DNAH12: variants seen among roughly 807,000 people sequenced by gnomAD.
DNAH12 encodes dynein axonemal heavy chain 12.
In DNAH12, 285 loss-of-function variants were observed where a neutral mutation model predicts 371.5. The observed-to-expected ratio is 0.77, with a 90% CI of 0.70 to 0.85. DNAH12 has a LOEUF of 0.85. Ranked by LOEUF, DNAH12 falls within the 40% of genes least tolerant of loss-of-function variation. The pLI is 0.00. For missense variants in DNAH12, 3,611 were observed against 3,689.4 expected, an observed-to-expected ratio of 0.98 and a Z score of 0.55; for synonymous variants, 1,200 against 1,213.0, an observed-to-expected ratio of 0.99 and a Z score of 0.22.
intron 13 of DNAH12, among the ~76,000 whole-genome samples, chr3:57,476,304 G>A (rs935760900): frequency 2.6e-5 from 4 of 152,160 alleles, no homozygotes; most frequent in African/African-American, 7.2e-5. Context: ...AGTGGCTCAT[G>A]CCTGTAATCC....
At chr3:57,480,440 A>T (rs1575662006) in intron 13 of DNAH12, among the ~76,000 whole-genome samples, 1 of 151,428 alleles carries the variant, frequency 6.6e-6, no homozygotes, top group Admixed American at 6.6e-5. Context: ...TAGCTTACCA[A>T]CCAAAAAAAG....
intron 29 of DNAH12, among the ~76,000 whole-genome samples, chr3:57,442,326 A>G (rs1487045395): frequency 1.3e-5 from 2 of 152,170 alleles, no homozygotes; most frequent in Non-Finnish European, 2.9e-5. Context: ...AATAATAACA[A>G]TGCATTGTGG....
In DNAH12 at chr3:57,375,404, T is replaced by C. The variant is rs1447261744; in HGVS notation, c.8726A>G (p.Asp2909Gly). The C allele has an allele frequency of 6.6e-6, 1 of 152,164 alleles. No individual in the cohort carries two copies. The highest frequency in any genetic ancestry group is 1.5e-5 in the Non-Finnish European group (1 of 68,008). The allele number at this position is 152,164 out of a possible 1,614,324, so 9.4% of individuals were successfully genotyped here. Residue 2909 changes from aspartate to glycine, a missense_variant, in exon 55 of 74, where the codon GAT becomes GGT. Coordinates refer to ENST00000495027, the MANE Select transcript of DNAH12 (RefSeq NM_001366028.2). ...AGLPTDTFSI[D>G]NGVIVNNCRR... Reference sequence around the variant, plus strand: ...ACAGTTGTTAACGATCACTCCGTTATCTATGGAAAATGTATCTGTTGGTAA... The same window carrying C: ...ACAGTTGTTAACGATCACTCCGTTACCTATGGAAAATGTATCTGTTGGTAA...
chr3:57,489,254 C>T (rs986593161), intron 12 of DNAH12, among the ~76,000 whole-genome samples: 15 of 152,194 alleles, frequency 9.9e-5, no homozygotes, highest in Middle Eastern at 3.4e-3. Context: ...TATCATGTAA[C>T]CTGTACCTGA....
chr3:57,322,627 G>T (rs994112050), intron 64 of DNAH12, 144 bp from the exon 65 acceptor site: 3 of 1,031,296 alleles, frequency 2.9e-6, no homozygotes. Context: ...TCTGAGGCTT[G>T]ATTAAGATAT....
chr3:57,451,707 G>A (rs1249174088), intron 25 of DNAH12, among the ~76,000 whole-genome samples: 2 of 152,230 alleles, frequency 1.3e-5, no homozygotes, highest in Non-Finnish European at 2.9e-5. Context: ...CAGAGCCGGA[G>A]AGCGCGCCTC....
chr3:57,352,551 G>A (rs1401614980), intron 59 of DNAH12, among the ~76,000 whole-genome samples: 1 of 151,490 alleles, frequency 6.6e-6, no homozygotes, highest in African/African-American at 2.4e-5. Flanking sequence ...TAAAATGTAG[G>A]GTATAATTCT....
intron 34 of DNAH12, 111 bp downstream of exon 34, chr3:57,428,522 T>C (rs2064854127): frequency 2.6e-6 from 4 of 1,523,006 alleles, no homozygotes; most frequent in East Asian, 2.5e-5. Flanking sequence ...AGTAAATGCA[T>C]AAGGACAAAC....
intron 10 of DNAH12, 81 bp from the exon 11 acceptor site, chr3:57,501,493 G>A: frequency 3.3e-6 from 3 of 917,328 alleles, no homozygotes; most frequent in Non-Finnish European, 5.0e-6. Flanking sequence ...ATCATGGAAT[G>A]GGGACCTACT....
chr3:57,344,913 C>A (rs191092493), intron 60 of DNAH12, among the ~76,000 whole-genome samples: 1 of 152,146 alleles, frequency 6.6e-6, no homozygotes, highest in Admixed American at 6.6e-5. Flanking sequence ...TCTTGAACAA[C>A]CAACACAGGA....
chr3:57,317,521 T>C (rs554213332), intron 65 of DNAH12, among the ~76,000 whole-genome samples: 5 of 152,220 alleles, frequency 3.3e-5, no homozygotes, highest in Non-Finnish European at 5.9e-5. Flanking sequence ...CTTCAAGTTT[T>C]ATCCATGTTG....
At chr3:57,305,971 G>C (rs572388824) in intron 69 of DNAH12, among the ~76,000 whole-genome samples, 1 of 152,264 alleles carries the variant, frequency 6.6e-6, no homozygotes, top group African/African-American at 2.4e-5. Flanking sequence ...CAGAAATCTG[G>C]CCACTGGGCC....
intron 11 of DNAH12, among the ~76,000 whole-genome samples, chr3:57,499,647 A>AAAAAAAAAATATATATATAT (rs1451248906): frequency 5.6e-5 from 1 of 17,946 alleles, no homozygotes; most frequent in Non-Finnish European, 1.2e-4. Context: ...AAAAAAAAAA[A>AAAAAAAAAATATATATATAT]ATATATATAT....
In DNAH12 at chr3:57,527,594, A is replaced by G. The variant is rs573604603; in HGVS notation, c.171-3710T>C. ...CAACCAGATCTCACGAGAACTCACT[A>G]TCATGAGGACAGCATCAAGGGGATG... On this transcript the variant is annotated intron_variant, in intron 2 of 73. Transcript: ENST00000495027. Among the ~76,000 whole-genome samples, 54 of 152,274 alleles carry G rather than the reference A, an allele frequency of 3.5e-4. 1 individual carries two copies. The South Asian group carries it at 9.7e-3, about 27-fold the overall frequency.
intron 32 of DNAH12, among the ~76,000 whole-genome samples, chr3:57,432,085 C>T (rs555480949): frequency 6.6e-6 from 1 of 152,150 alleles, no homozygotes; most frequent in South Asian, 2.1e-4. Context: ...TTACTTTCTA[C>T]CCTAAGCTCA....
chr3:57,327,126 C>T (rs2061968862), intron 62 of DNAH12, among the ~76,000 whole-genome samples: 1 of 151,934 alleles, frequency 6.6e-6, no homozygotes, highest in Non-Finnish European at 1.5e-5. Context: ...CTTTAACACC[C>T]CACTGTCAAC....
intron 32 of DNAH12, among the ~76,000 whole-genome samples, chr3:57,430,546 A>C (rs1188443822): frequency 1.3e-5 from 2 of 152,136 alleles, no homozygotes; most frequent in African/African-American, 4.8e-5. Context: ...TATGTCAAAA[A>C]CTGAATTTAT....
chr3:57,413,873 CTCCTTTGCGTCTTTTA>C lies in DNAH12; in HGVS notation c.5877_5892del (p.Asp1959GlufsTer12), dbSNP rs1553683813. The C allele has an allele frequency of 4.5e-6, 7 of 1,551,044 alleles. No individual in the cohort carries two copies. In the Admixed American group the frequency reaches 1.4e-4, roughly 30 times the overall value. On this transcript the variant is annotated frameshift_variant, in exon 39 of 74. Coordinates refer to ENST00000495027, the MANE Select transcript of DNAH12 (RefSeq NM_001366028.2). LOFTEE classifies it high-confidence loss of function. Reference sequence around the variant, plus strand: ...TTCTTTCCCATAGGTGGTCCAAAGACTCCTTTGCGTCTTTTATCCAATCTAGCCATGATAATGTTCT... The same window carrying C: ...TTCTTTCCCATAGGTGGTCCAAAGACTCCAATCTAGCCATGATAATGTTCT...
rs36148553 is a variant in DNAH12, at chr3:57,493,005, A to AAAAC, written c.1336-3322_1336-3319dup. Among the ~76,000 whole-genome samples, 25 of 150,618 alleles carry AAAAC rather than the reference A, an allele frequency of 1.7e-4. No homozygotes were observed. The East Asian group carries it at 2.0e-3, about 12-fold the overall frequency. The stretch of plus-strand genomic sequence containing the variant: ...GGGCGACAGGGCGAAACTCCATCTC[A>AAAAC]AAACAAACAAACAAACAAACAAACA... On this transcript the variant is annotated intron_variant, in intron 11 of 73. Coordinates refer to ENST00000495027, the MANE Select transcript of DNAH12 (RefSeq NM_001366028.2).
Sources: gnomAD v4.1 joint callset for allele counts (sites outside exome capture counted in the v4.1 genomes callset) on GRCh38, gnomAD v4.1.1 for gene constraint, MANE v1.5 for transcripts, NCBI Gene and HGNC (gene_info 2026-07-23, HGNC 2026-07-21) for gene names.